BBX: variants seen among roughly 807,000 people sequenced by gnomAD.
The protein encoded by BBX is HMG box transcription factor BBX.
A neutral mutation model predicts 100.2 loss-of-function variants in BBX; 30 were observed. That is an observed-to-expected ratio of 0.30 (90% CI 0.22 to 0.41). The LOEUF is 0.41. Ranked by LOEUF, BBX falls within the 10% of genes least tolerant of loss-of-function variation. The probability of loss-of-function intolerance (pLI) is 1.00; values close to 1 mark genes in which losing one functional copy is unlikely to be tolerated. For synonymous variants in BBX, 376 were observed against 388.1 expected, an observed-to-expected ratio of 0.97 and a Z score of 0.37; for missense variants, 1,023 against 1,129.8, an observed-to-expected ratio of 0.91 and a Z score of 1.35.
Position 107,691,493 on chromosome 3 carries a change from T to G in BBX, c.-9-18959T>G, listed in dbSNP as rs375983006. Among the ~76,000 whole-genome samples the G allele has an allele frequency of 1.7e-3, 254 of 152,318 alleles. 7 individuals are homozygous for G. The South Asian group carries it at 0.051, about 30-fold the overall frequency. ...TATGACTGAATCATCAAGTAAGCACTTACATTTTGTATCATATATATTAAA... is the reference window on the plus strand; with the variant it reads ...TATGACTGAATCATCAAGTAAGCACGTACATTTTGTATCATATATATTAAA... On this transcript the variant is annotated intron_variant, in intron 3 of 17. Transcript: ENST00000325805.
At chr3:107,712,248 C>G (rs2061771793) in intron 4 of BBX, among the ~76,000 whole-genome samples, 1 of 152,108 alleles carries the variant, frequency 6.6e-6, no homozygotes, top group African/African-American at 2.4e-5. Context: ...CATTATTTAC[C>G]CTTCAAATGA....
intron 2 of BBX, among the ~76,000 whole-genome samples, chr3:107,587,216 A>G (rs1336862176): frequency 6.6e-6 from 1 of 152,052 alleles, no homozygotes; most frequent in Admixed American, 6.6e-5. Flanking sequence ...CATGCCAGCA[A>G]TCCCAGCTAC....
intron 3 of BBX, among the ~76,000 whole-genome samples, chr3:107,648,332 C>T (rs1326572855): frequency 1.3e-5 from 2 of 152,004 alleles, no homozygotes; most frequent in African/African-American, 4.8e-5. Flanking sequence ...AATAGACTTA[C>T]ATTATTCTTT....
At chr3:107,549,237 A>C (rs1251373154) in intron 2 of BBX, among the ~76,000 whole-genome samples, 1 of 152,248 alleles carries the variant, frequency 6.6e-6, no homozygotes, top group Non-Finnish European at 1.5e-5. Context: ...GGTAGGCTCC[A>C]TTCTAGTTCC....
At chr3:107,741,164 TGG>T (rs2064072265) in intron 7 of BBX, among the ~76,000 whole-genome samples, 1 of 151,926 alleles carries the variant, frequency 6.6e-6, no homozygotes, top group Non-Finnish European at 1.5e-5. Flanking sequence ...CGGCAGTGCA[TGG>T]TTGTGGTCCT....
intron 10 of BBX, among the ~76,000 whole-genome samples, chr3:107,764,975 C>T (rs2107731850): frequency 6.6e-6 from 1 of 152,294 alleles, no homozygotes; most frequent in Middle Eastern, 3.4e-3. Flanking sequence ...TAGAACTGAG[C>T]TTTCCTACAT....
intron 2 of BBX, among the ~76,000 whole-genome samples, chr3:107,568,594 A>G (rs1048891357): frequency 3.3e-5 from 5 of 151,950 alleles, no homozygotes; most frequent in African/African-American, 1.2e-4. Context: ...CTCTTCTCCA[A>G]TTTCTCTATT....
chr3:107,711,943 C>T (rs981560451), intron 4 of BBX, among the ~76,000 whole-genome samples: 6 of 152,066 alleles, frequency 3.9e-5, no homozygotes, highest in Admixed American at 3.3e-4. Flanking sequence ...ACCATTTCAG[C>T]TCACTGTAGC....
chr3:107,751,398 T>C (rs1394014006), intron 9 of BBX, among the ~76,000 whole-genome samples: 2 of 152,250 alleles, frequency 1.3e-5, no homozygotes, highest in South Asian at 4.1e-4. Context: ...ACAAACTCTT[T>C]TAACACTGGG....
At chr3:107,802,441 A>G (rs1398968909) in intron 17 of BBX, among the ~76,000 whole-genome samples, 1 of 152,276 alleles carries the variant, frequency 6.6e-6, no homozygotes, top group Admixed American at 6.5e-5. Context: ...AAATTCAGTG[A>G]GGTCTCTGAG....
intron 8 of BBX, among the ~76,000 whole-genome samples, 169 bp from the exon 9 acceptor site, chr3:107,747,796 A>ATGG (rs1363118053): frequency 2.0e-5 from 3 of 152,140 alleles, no homozygotes; most frequent in African/African-American, 7.2e-5. Flanking sequence ...TTTTAGAAAC[A>ATGG]TGGCCTTTGT....
At chr3:107,655,459 A>G (rs1287040415) in intron 3 of BBX, among the ~76,000 whole-genome samples, 2 of 151,346 alleles carry the variant, frequency 1.3e-5, no homozygotes, top group Non-Finnish European at 2.9e-5. Flanking sequence ...GAGATATCGT[A>G]TGATTCTTAA....
chr3:107,564,057 T>A (rs1471779086), intron 2 of BBX, among the ~76,000 whole-genome samples: 1 of 152,142 alleles, frequency 6.6e-6, no homozygotes, highest in African/African-American at 2.4e-5. Flanking sequence ...AAACTTAGTA[T>A]TATCAGACTT....
chr3:107,598,519 G>A (rs1473082319), intron 2 of BBX, among the ~76,000 whole-genome samples: 2 of 152,110 alleles, frequency 1.3e-5, no homozygotes, highest in Non-Finnish European at 2.9e-5. Context: ...CAAACAATTG[G>A]CCACAGTAAG....
At chr3:107,737,884 G>GTTTTTTT (rs1156396951) in intron 7 of BBX, among the ~76,000 whole-genome samples, 1,529 of 48,584 alleles carry the variant, frequency 0.031, 165 homozygotes, top group Non-Finnish European at 0.033. Context: ...CAGAGTTCCA[G>GTTTTTTT]TTTTTTTTTT....
intron 10 of BBX, among the ~76,000 whole-genome samples, chr3:107,762,106 A>G (rs2065945717): frequency 6.6e-6 from 1 of 152,194 alleles, no homozygotes; most frequent in African/African-American, 2.4e-5. Context: ...CTCCTGTTCT[A>G]AATCTTTTCA....
intron 16 of BBX, among the ~76,000 whole-genome samples, chr3:107,800,545 A>G (rs750941508): frequency 7.9e-5 from 12 of 152,212 alleles, no homozygotes; most frequent in Admixed American, 1.3e-4. Flanking sequence ...CTCTTTGTAA[A>G]GACCAGAGGG....
At chr3:107,561,145 G>A (rs578154112) in intron 2 of BBX, among the ~76,000 whole-genome samples, 38 of 152,314 alleles carry the variant, frequency 2.5e-4, no homozygotes, top group Admixed American at 2.4e-3. Context: ...GCAAACCCAA[G>A]TGGATCAAGC....
At chr3:107,612,499 A>G (rs547815338) in intron 2 of BBX, among the ~76,000 whole-genome samples, 6 of 152,176 alleles carry the variant, frequency 3.9e-5, no homozygotes, top group Admixed American at 3.9e-4. Flanking sequence ...AGATTTGTAG[A>G]GGTACTACCT....
Sources: allele counts gnomAD v4.1 joint callset (sites outside exome capture counted in the v4.1 genomes callset), GRCh38; gene constraint gnomAD v4.1.1; transcripts MANE v1.5; gene names NCBI Gene and HGNC (gene_info 2026-07-23, HGNC 2026-07-21).